Variants in SND1 observed in about 807,000 individuals in gnomAD.
SND1 encodes the protein staphylococcal nuclease domain-containing protein 1.
A neutral mutation model predicts 121.7 loss-of-function variants in SND1; 38 were observed. The observed-to-expected ratio is 0.31, with a 90% confidence interval of 0.24 to 0.41. The LOEUF (loss-of-function observed/expected upper bound fraction) is 0.41. Ranked by LOEUF, SND1 falls within the 10% of genes least tolerant of loss-of-function variation. The probability of loss-of-function intolerance (pLI) is 1.00; values close to 1 mark genes in which losing one functional copy is unlikely to be tolerated. For synonymous variants in SND1, 401 were observed against 447.4 expected (o/e 0.90, Z 1.31); for missense variants, 868 against 1,184.6 (o/e 0.73, Z 3.92).
intron 12 of SND1, among the ~76,000 whole-genome samples, chr7:127,845,570 A>G (rs1005104571): frequency 6.6e-6 from 1 of 152,212 alleles, no homozygotes; most frequent in Non-Finnish European, 1.5e-5. Flanking sequence ...TACAATAGTT[A>G]TTTGTTACCA....
At chr7:127,658,192 G>C (rs1795244456) in intron 1 of SND1, among the ~76,000 whole-genome samples, 1 of 152,152 alleles carries the variant, frequency 6.6e-6, no homozygotes, top group South Asian at 2.1e-4. Context: ...GCGCGCGCCT[G>C]TAGTCCCAGG....
intron 10 of SND1, among the ~76,000 whole-genome samples, chr7:127,735,580 AAAAAG>A (rs1275780014): frequency 6.6e-6 from 1 of 152,100 alleles, no homozygotes; most frequent in Non-Finnish European, 1.5e-5. Context: ...TTAATTTAAA[AAAAAG>A]AGGCTGTAAC....
At chr7:128,057,265 G>A (rs1047209099) in intron 16 of SND1, among the ~76,000 whole-genome samples, 3 of 152,184 alleles carry the variant, frequency 2.0e-5, no homozygotes, top group East Asian at 1.9e-4. Context: ...AAGGACTGCC[G>A]AGGCTGAATC....
chr7:127,922,175 CT>C (rs1158535023), intron 14 of SND1, among the ~76,000 whole-genome samples: 1,174 of 57,184 alleles, frequency 0.021, 28 homozygotes, highest in South Asian at 0.08. Flanking sequence ...TTTTTCTTTC[CT>C]TTTTTTTTTT....
intron 15 of SND1, among the ~76,000 whole-genome samples, chr7:127,985,981 GGTGGAATAA>G (rs1802377975): frequency 6.6e-6 from 1 of 152,186 alleles, no homozygotes; most frequent in Non-Finnish European, 1.5e-5. Context: ...GTCTCTTAGT[GGTGGAATAA>G]GTGCCACTGG....
At chr7:127,963,364 A>C (rs1801778555) in intron 15 of SND1, among the ~76,000 whole-genome samples, 2 of 142,422 alleles carry the variant, frequency 1.4e-5, no homozygotes, top group South Asian at 4.7e-4. Flanking sequence ...CTAACTCGTC[A>C]TCTAGCATTA....
At chr7:127,756,532 T>A (rs751638844) in intron 10 of SND1, among the ~76,000 whole-genome samples, 2 of 152,266 alleles carry the variant, frequency 1.3e-5, no homozygotes, top group Non-Finnish European at 2.9e-5. Context: ...TTGTAGAATG[T>A]AGCGCCTTTA....
chr7:128,084,906 T>C (rs1394510353), intron 19 of SND1, 59 bp downstream of exon 19: 3 of 1,520,868 alleles, frequency 2.0e-6, no homozygotes, highest in East Asian at 4.8e-5. Flanking sequence ...AGGGCTGTCC[T>C]CAGGCCTCAG....
In SND1 at chr7:128,048,256, A is replaced by AT. The variant is rs935894901; in HGVS notation, c.1780-26238dup. On this transcript the variant is annotated intron_variant, in intron 16 of 23. Transcript: ENST00000354725. ...AGGCTCCGAATTGGAACTGGCAGTG[A>AT]TTTTTTTTCTTTTTTTTTTTTTTTT... is the stretch of plus-strand genomic sequence containing the variant. Among the ~76,000 whole-genome samples the AT allele has an allele frequency of 9.6e-4, 140 of 145,132 alleles. No homozygotes were observed. In the East Asian group the frequency reaches 0.011, roughly 11 times the overall value.
intron 16 of SND1, among the ~76,000 whole-genome samples, chr7:128,013,349 G>C (rs773088487): frequency 6.6e-6 from 1 of 152,150 alleles, no homozygotes; most frequent in Non-Finnish European, 1.5e-5. Context: ...CATCTCCATC[G>C]TTCCCCAGCA....
At chr7:127,958,967 T>C in intron 15 of SND1, among the ~76,000 whole-genome samples, 1 of 152,182 alleles carries the variant, frequency 6.6e-6, no homozygotes, top group East Asian at 1.9e-4. Context: ...GCTCTTATTA[T>C]GGTTCTAAGG....
At chr7:128,027,102 A>G (rs1446832956) in intron 16 of SND1, 1 of 152,650 alleles carries the variant, frequency 6.6e-6, no homozygotes, top group Non-Finnish European at 1.5e-5. Flanking sequence ...TTAAAATACA[A>G]AAATACACTT....
chr7:127,843,599 A>G (rs944639569), intron 11 of SND1, among the ~76,000 whole-genome samples: 4 of 152,182 alleles, frequency 2.6e-5, no homozygotes, highest in African/African-American at 9.7e-5. Flanking sequence ...ACTGAATAAT[A>G]TTCTGTCATC....
In SND1 at chr7:128,085,573, A is replaced by G. The variant is rs1793674729; in HGVS notation, c.2235-138A>G. ...AGTGGCCGAGGCTGGGCCTAGATGG[A>G]GTGCAGTTACTGTCCCCTGTGACAC... On this transcript the variant is annotated intron_variant, in intron 19 of 23. Transcript: ENST00000354725. This position sits in a 1 kb window ranked among gnomAD's most constrained non-coding sequence, Gnocchi z 4.4. 1 of 719,938 alleles carries G rather than the reference A, an allele frequency of 1.4e-6. No homozygotes were observed. Among genetic ancestry groups the G allele is most frequent in the African/African-American group, 1.7e-5 (1 of 57,270 alleles). The allele number at this position is 719,938 out of a possible 1,614,324, so 44.6% of individuals were successfully genotyped here. A position where few individuals can be genotyped will look rare whatever the true frequency, so the allele number is the denominator to read the frequency against.
At chr7:128,075,069 G>T (rs1002727109) in intron 17 of SND1, among the ~76,000 whole-genome samples, 21 of 152,210 alleles carry the variant, frequency 1.4e-4, no homozygotes, top group African/African-American at 5.1e-4. Flanking sequence ...AGGACTGGGC[G>T]GCCCAAGCCC....
intron 6 of SND1, among the ~76,000 whole-genome samples, chr7:127,702,936 T>C (rs1053032226): frequency 6.6e-6 from 1 of 152,212 alleles, no homozygotes; most frequent in Non-Finnish European, 1.5e-5. Context: ...ATTAAAATTA[T>C]TGTCCTCACG....
At chr7:127,713,547 C>G (rs963777646) in intron 9 of SND1, among the ~76,000 whole-genome samples, 1 of 152,182 alleles carries the variant, frequency 6.6e-6, no homozygotes, top group Admixed American at 6.5e-5. Context: ...AATAGTGATT[C>G]TCTCTTCAAC....
chr7:127,936,265 G>A (rs1399368375), intron 15 of SND1, among the ~76,000 whole-genome samples: 2 of 152,104 alleles, frequency 1.3e-5, no homozygotes, highest in Admixed American at 6.5e-5. Context: ...TTTCAGTCTC[G>A]GAGGCAGTCA....
rs547161852 is a variant in SND1, at chr7:127,901,794, G to A, written c.1455-2953G>A. Among the ~76,000 whole-genome samples, 4 of 152,286 alleles carry A rather than the reference G, an allele frequency of 2.6e-5. No homozygotes were observed. In the South Asian group the frequency reaches 8.3e-4, roughly 32 times the overall value. The stretch of plus-strand genomic sequence containing the variant: ...GCCAGAAATTGATAAGAGTTTAACA[G>A]TAATATTTTAAGTGTGAAAAAATTG... On this transcript the variant is annotated intron_variant, in intron 13 of 23. Transcript: ENST00000354725.
Sources: gnomAD v4.1 joint callset for allele counts (sites outside exome capture counted in the v4.1 genomes callset) on GRCh38, gnomAD v4.1.1 for gene constraint, Gnocchi (gnomAD v3.1) non-coding constraint, MANE v1.5 for transcripts, NCBI Gene and HGNC (gene_info 2026-07-23, HGNC 2026-07-21) for gene names.